Variants in CCDC39 observed in about 807,000 individuals in gnomAD.
CCDC39 encodes the protein coiled-coil domain 39 molecular ruler complex subunit.
A neutral mutation model predicts 121.0 loss-of-function variants in CCDC39; 113 were observed. That is an observed-to-expected ratio of 0.93 (90% CI 0.80 to 1.09). The LOEUF is 1.09. Among genes scored for constraint, CCDC39 ranks in the 50% least tolerant of loss-of-function variants. CCDC39 has a pLI of 0.00. For synonymous variants in CCDC39, 349 were observed against 352.2 expected (o/e 0.99, Z 0.10); for missense variants, 1,063 against 1,074.7 (o/e 0.99, Z 0.15).
Position 180,656,164 on chromosome 3 carries a change from C to T in CCDC39, c.739-1211G>A, listed in dbSNP as rs111810016. Among the ~76,000 whole-genome samples, 834 of 152,248 alleles carry T rather than the reference C, an allele frequency of 5.5e-3. 5 individuals carry two copies. The highest frequency in any genetic ancestry group is 0.016 in the African/African-American group (657 of 41,554). The stretch of plus-strand genomic sequence containing the variant: ...ACTGTGTTCATTCACTCAAAAGACA[C>T]GTCAAAACTTCCTAAGTTTAAATAT... On this transcript the variant is annotated intron_variant, in intron 6 of 19. Coordinates refer to ENST00000476379, the MANE Select transcript of CCDC39 (RefSeq NM_181426.2).
At chr3:180,677,249 A>G (rs1297200755) in intron 1 of CCDC39, among the ~76,000 whole-genome samples, 4 of 124,122 alleles carry the variant, frequency 3.2e-5, no homozygotes, top group African/African-American at 1.2e-4. Context: ...TCTTGCAACA[A>G]TCATTTGAGG....
intron 3 of CCDC39, 116 bp from the exon 4 acceptor site, chr3:180,660,844 G>A (rs1312273281): frequency 1.3e-6 from 1 of 756,390 alleles, no homozygotes; most frequent in Non-Finnish European, 2.0e-6. Flanking sequence ...AGGAAATCCT[G>A]TCCCTGCCTT....
intron 14 of CCDC39, among the ~76,000 whole-genome samples, chr3:180,625,818 C>A (rs1270848333): frequency 6.6e-6 from 1 of 151,692 alleles, no homozygotes; most frequent in African/African-American, 2.4e-5. Flanking sequence ...TGAAGTTTTG[C>A]TGGGGTCTAG....
intron 12 of CCDC39, among the ~76,000 whole-genome samples, chr3:180,643,022 C>T (rs1398404092): frequency 6.7e-6 from 1 of 150,202 alleles, no homozygotes; most frequent in Admixed American, 6.6e-5. Context: ...CGCAGTGGTG[C>T]GATCTCCGCT....
intron 1 of CCDC39, among the ~76,000 whole-genome samples, chr3:180,672,313 GC>G (rs1166834140): frequency 6.6e-6 from 1 of 152,172 alleles, no homozygotes; most frequent in African/African-American, 2.4e-5. Context: ...TGCTCATTGG[GC>G]CAGGTGTGGT....
At chr3:180,629,122 C>G (rs1717634552) in intron 14 of CCDC39, among the ~76,000 whole-genome samples, 1 of 152,060 alleles carries the variant, frequency 6.6e-6, no homozygotes, top group Admixed American at 6.5e-5. Context: ...ATGAAATGAA[C>G]TTTTATTAAA....
At chr3:180,631,441 A>G (rs762373155) in intron 14 of CCDC39, 28 bp downstream of exon 14, 1 of 1,577,300 alleles carries the variant, frequency 6.3e-7, no homozygotes, top group Non-Finnish European at 8.6e-7. Flanking sequence ...ATTTCATACC[A>G]TCACAACTGT....
At chr3:180,659,886 A>C (rs1395229148) in intron 4 of CCDC39, 117 bp from the exon 5 acceptor site, 1 of 576,418 alleles carries the variant, frequency 1.7e-6, no homozygotes, top group Non-Finnish European at 2.7e-6. Context: ...TTATATCTAA[A>C]ACTGTGAAAT....
chr3:180,619,991 C>G (rs377395103), intron 14 of CCDC39, 21 bp from the exon 15 acceptor site: 15 of 1,560,230 alleles, frequency 9.6e-6, no homozygotes, highest in Non-Finnish European at 1.3e-5. Flanking sequence ...CAGAATAGAA[C>G]TGGTTGAATA....
chr3:180,659,801 T>G (rs765878957), intron 4 of CCDC39, 32 bp from the exon 5 acceptor site: 1 of 1,399,520 alleles, frequency 7.1e-7, no homozygotes, highest in Admixed American at 1.8e-5. Flanking sequence ...ATACTTATAA[T>G]TCTCATTCTA....
chr3:180,624,400 A>G lies in CCDC39; in HGVS notation c.1999-4430T>C, dbSNP rs1210839747. Among the ~76,000 whole-genome samples the G allele has an allele frequency of 5.9e-5, 9 of 152,210 alleles. No homozygotes were observed. The East Asian group carries it at 7.7e-4, about 13-fold the overall frequency. ...ATGTTTTAATTGGGTCGTTTGATCC[A>G]TTTACATTCAAACTTATATTGATAT... On this transcript the variant is annotated intron_variant, in intron 14 of 19. Transcript: ENST00000476379.
In CCDC39 at chr3:180,619,372, T is replaced by A. The variant is rs1403311405; in HGVS notation, c.2159-7A>T. 7.5e-7 allele frequency: 1 copy of A among 1,338,188 alleles called. No homozygotes were observed. The highest frequency in any genetic ancestry group is 2.2e-5 in the Admixed American group (1 of 46,390). 82.9% of individuals were successfully genotyped at this position (1,338,188 alleles called of 1,614,324 possible). ...TTTAGCTCATACTCATCACCTGAAA[T>A]GTAGAACATTTTTAGTTTAAAATTT... On this transcript the variant is annotated splice_region_variant and splice_polypyrimidine_tract_variant and intron_variant, in intron 15 of 19. Transcript: ENST00000476379.
chr3:180,668,715 C>A (rs760154094), intron 1 of CCDC39, among the ~76,000 whole-genome samples: 1 of 151,970 alleles, frequency 6.6e-6, no homozygotes, highest in Non-Finnish European at 1.5e-5. Context: ...ACAACAGGAA[C>A]CATATGCATT....
chr3:180,672,475 T>C (rs1712077532), intron 1 of CCDC39, among the ~76,000 whole-genome samples: 2 of 152,164 alleles, frequency 1.3e-5, no homozygotes, highest in African/African-American at 4.8e-5. Flanking sequence ...ATGCCTGTAA[T>C]TCCAGCTACT....
chr3:180,616,940 T>C lies in CCDC39; in HGVS notation c.2292A>G (p.Ile764Met), dbSNP rs1305526036. 8.9e-6 allele frequency: 13 copies of C among 1,456,838 alleles called. No individual in the cohort carries two copies. The highest frequency in any genetic ancestry group is 1.4e-5 in the African/African-American group (1 of 70,606). The allele number at this position is 1,456,838 out of a possible 1,614,324, so 90.2% of individuals were successfully genotyped here. ...CTTTAACATTATTTGCCAAATGTTC[T>C]ATAACATCTAATGTATTTTCCATGC... ...IQSMENTLDVIEHLANNVKEK... is the reference protein window; with the variant it reads ...IQSMENTLDVMEHLANNVKEK... The change falls in exon 17 of 20, where the codon ATA (isoleucine) becomes ATG (methionine). Residue 764 changes from isoleucine to methionine, a missense_variant. Transcript: ENST00000476379.
At chr3:180,647,429 T>C (rs1718099180) in intron 10 of CCDC39, among the ~76,000 whole-genome samples, 186 bp from the exon 11 acceptor site, 1 of 152,088 alleles carries the variant, frequency 6.6e-6, no homozygotes, top group African/African-American at 2.4e-5. Flanking sequence ...ATAAACTATA[T>C]CTCAACAATC....
chr3:180,659,696 G>A lies in CCDC39; in HGVS notation c.590C>T (p.Thr197Ile), dbSNP rs1224373006. ...QKRKILDNEL[T>I]ETISAQLELD... is the part of the protein sequence containing the mutation. ...ACTAACCTGTGCGCTTATAGTCTCT[G>A]TAAGTTCGTTGTCAAGTATCTTTCT... is the stretch of plus-strand genomic sequence containing the variant. The change falls in exon 5 of 20, where the codon ACA becomes ATA. Residue 197 changes from threonine (T) to isoleucine (I), a missense_variant. By Grantham distance (89) the Thr-to-Ile change is moderately conservative (BLOSUM62 -1). Coordinates refer to ENST00000476379, the MANE Select transcript of CCDC39 (RefSeq NM_181426.2). The A allele has an allele frequency of 6.2e-7, 1 of 1,611,784 alleles. No individual in the cohort carries two copies. The highest frequency in any genetic ancestry group is 8.5e-7 in the Non-Finnish European group (1 of 1,179,086).
At chr3:180,626,593 C>T (rs1326452894) in intron 14 of CCDC39, among the ~76,000 whole-genome samples, 3 of 152,108 alleles carry the variant, frequency 2.0e-5, no homozygotes, top group African/African-American at 7.2e-5. Flanking sequence ...CTCCTTGGAT[C>T]GGAGACAGCT....
In CCDC39 at chr3:180,659,660, A is replaced by C. The variant is rs1483353822; in HGVS notation, c.609+17T>G. 1.5e-5 allele frequency: 24 copies of C among 1,603,266 alleles called. No homozygotes were observed. The highest frequency in any genetic ancestry group is 2.0e-5 in the Non-Finnish European group (24 of 1,175,516). ...TCACCTTGAAAATTAAGAAATAAAA[A>C]TCTTCCTTAAACTAACCTGTGCGCT... On this transcript the variant is annotated intron_variant, in intron 5 of 19. Transcript: ENST00000476379.
Sources: allele counts gnomAD v4.1 joint callset (sites outside exome capture counted in the v4.1 genomes callset), GRCh38; gene constraint gnomAD v4.1.1; transcripts MANE v1.5; gene names NCBI Gene and HGNC (gene_info 2026-07-23, HGNC 2026-07-21).